The following DNAAF11 variants were observed in gnomAD, a reference collection of about 807,000 sequenced individuals.
DNAAF11 encodes dynein axonemal assembly factor 11, also known as leucine rich repeat containing 6.
Under a neutral mutation model 60.8 loss-of-function variants are expected in DNAAF11, and 45 were observed. That is an observed-to-expected ratio of 0.74 (90% CI 0.58 to 0.95). DNAAF11 has a LOEUF of 0.95. Ranked by LOEUF, DNAAF11 falls within the 40% of genes least tolerant of loss-of-function variation. The pLI is 0.00. For synonymous variants in DNAAF11, 191 were observed against 183.5 expected (o/e 1.04, Z -0.33); for missense variants, 546 against 546.2 (o/e 1.00, Z 0.00).
chr8:132,617,443 C>T (rs1819285564), intron 7 of DNAAF11, among the ~76,000 whole-genome samples: 1 of 152,134 alleles, frequency 6.6e-6, no homozygotes, highest in Admixed American at 6.5e-5. Flanking sequence ...ATTTGGCTCT[C>T]TGTCTGTTGT....
upstream of DNAAF11, among the ~76,000 whole-genome samples, chr8:132,679,439 CT>C (rs1301255431): frequency 3.3e-5 from 5 of 152,216 alleles, no homozygotes; most frequent in Non-Finnish European, 5.9e-5. Context: ...GTAAAGGAAT[CT>C]AGCAGGCTTA....
At chr8:132,643,567 T>C in intron 3 of DNAAF11, 1 of 450,762 alleles carries the variant, frequency 2.2e-6, no homozygotes. Context: ...TTCATTATGA[T>C]ATCCTGTCAA....
intron 10 of DNAAF11, among the ~76,000 whole-genome samples, chr8:132,592,948 CA>C (rs1816615351): frequency 6.6e-6 from 1 of 151,744 alleles, no homozygotes; most frequent in African/African-American, 2.4e-5. Flanking sequence ...CCTGCAAATA[CA>C]TATTAAAAGT....
intron 7 of DNAAF11, among the ~76,000 whole-genome samples, chr8:132,619,355 G>A (rs1819528003): frequency 6.6e-6 from 1 of 152,098 alleles, no homozygotes; most frequent in Non-Finnish European, 1.5e-5. Context: ...GTTAGATGAC[G>A]AGTTAGTGGG....
intron 10 of DNAAF11, among the ~76,000 whole-genome samples, chr8:132,586,010 T>C (rs2131032361): frequency 6.6e-6 from 1 of 152,338 alleles, no homozygotes; most frequent in South Asian, 2.1e-4. Flanking sequence ...CAGTTGCTAT[T>C]GATTCCAGTT....
intron 3 of DNAAF11, among the ~76,000 whole-genome samples, chr8:132,645,013 T>C (rs1256148488): frequency 6.6e-6 from 1 of 152,184 alleles, no homozygotes; most frequent in Non-Finnish European, 1.5e-5. Context: ...GTTTGAGATC[T>C]GAGAATGGAC....
At chr8:132,583,202 G>A (rs1055124653) in intron 11 of DNAAF11, among the ~76,000 whole-genome samples, 27 of 152,084 alleles carry the variant, frequency 1.8e-4, no homozygotes, top group African/African-American at 6.5e-4. Context: ...TGAGAGTTGA[G>A]GCATCTGTGG....
chr8:132,674,097 CAGGAGG>C (rs1489234047), intron 1 of DNAAF11, among the ~76,000 whole-genome samples: 2 of 37,256 alleles, frequency 5.4e-5, no homozygotes, highest in Non-Finnish European at 1.2e-4. Flanking sequence ...GGAGGAGGAG[CAGGAGG>C]AGGAGGAGCA....
At chr8:132,643,585 T>G (rs1198341591) in intron 3 of DNAAF11, 2 of 454,504 alleles carry the variant, frequency 4.4e-6, no homozygotes, top group Non-Finnish European at 8.8e-6. Flanking sequence ...CAATGTCATA[T>G]GAAAATACAC....
chr8:132,646,459 A>C (rs1822399372), intron 3 of DNAAF11, among the ~76,000 whole-genome samples: 1 of 152,242 alleles, frequency 6.6e-6, no homozygotes, highest in South Asian at 2.1e-4. Flanking sequence ...TAACATCATA[A>C]TGACAGGATC....
At chr8:132,581,271 T>C (rs745692362) in intron 11 of DNAAF11, among the ~76,000 whole-genome samples, 37 of 152,038 alleles carry the variant, frequency 2.4e-4, no homozygotes, top group Non-Finnish European at 1.6e-4. Context: ...AAACATAAAA[T>C]AATTAACCAT....
chr8:132,585,037 T>C (rs1815743558), intron 10 of DNAAF11, among the ~76,000 whole-genome samples: 1 of 152,230 alleles, frequency 6.6e-6, no homozygotes, highest in Non-Finnish European at 1.5e-5. Flanking sequence ...ATTTGTTTCT[T>C]ATTTAATTAG....
intron 7 of DNAAF11, among the ~76,000 whole-genome samples, chr8:132,621,862 A>G (rs1819797708): frequency 6.6e-6 from 1 of 152,204 alleles, no homozygotes; most frequent in African/African-American, 2.4e-5. Context: ...TGTAAAAAAG[A>G]AATACTGTTT....
In DNAAF11 at chr8:132,661,634, G is replaced by GA. The variant is rs1430402734; in HGVS notation, c.11-8dup. The GA allele has an allele frequency of 6.2e-7, 1 of 1,612,264 alleles. No homozygotes were observed. The highest frequency in any genetic ancestry group is 1.1e-5 in the South Asian group (1 of 91,042). On this transcript the variant is annotated splice_region_variant and splice_polypyrimidine_tract_variant and intron_variant, in intron 1 of 11. Coordinates refer to ENST00000620350, the MANE Select transcript of DNAAF11 (RefSeq NM_012472.6). ...CTAATAAGATCTTCTGTGACTGGAAGAAAATGTGTTACATATTACATTTCT... is the reference window on the plus strand; with the variant it reads ...CTAATAAGATCTTCTGTGACTGGAAGAAAAATGTGTTACATATTACATTTCT...
rs1563726238 is a variant in DNAAF11 at position 132,674,160 on chromosome 8, AAGGAGAAGGAGGAGGAGGAGAAGG to A, written c.10+1300_10+1323del. On this transcript the variant is annotated intron_variant, in intron 1 of 11. Transcript: ENST00000620350. ...GAAGGAGGAGGAAGAGGAGGAGGAGAAGGAGAAGGAGGAGGAGGAGAAGGAGGAGGAGGAGAAGGAGGAGGAGAA... is the reference window on the plus strand; with the variant it reads ...GAAGGAGGAGGAAGAGGAGGAGGAGAAGGAGGAGGAGAAGGAGGAGGAGAA... 5.8e-3 allele frequency among the ~76,000 whole-genome samples: 225 copies of A among 38,948 alleles called. 5 individuals are homozygous for A. Among genetic ancestry groups the A allele is most frequent in the African/African-American group, 0.022 (211 of 9,766 alleles). The allele number at this position is 38,948 out of a possible 152,430, so 25.6% of individuals were successfully genotyped here.
In DNAAF11 at chr8:132,624,157, C is replaced by A. The variant is rs538595422; in HGVS notation, c.836+1115G>T. Among the ~76,000 whole-genome samples the A allele has an allele frequency of 2.8e-4, 43 of 152,218 alleles. 1 individual carries two copies. The highest frequency in any genetic ancestry group is 6.0e-4 in the Non-Finnish European group (41 of 67,998). ...ATGGGTATATATGTAAGAAATAGTT[C>A]ACATTCTATAAACATGTAGAACTTC... is the stretch of plus-strand genomic sequence containing the variant. On this transcript the variant is annotated intron_variant, in intron 6 of 11. Coordinates refer to ENST00000620350, the MANE Select transcript of DNAAF11 (RefSeq NM_012472.6).
intron 10 of DNAAF11, among the ~76,000 whole-genome samples, chr8:132,609,384 G>T (rs991128131): frequency 1.3e-5 from 2 of 151,288 alleles, no homozygotes; most frequent in Non-Finnish European, 2.9e-5. Context: ...GTTCAGTATA[G>T]ACACACTTCT....
At chr8:132,679,536 CA>C (rs904357684), upstream of DNAAF11, among the ~76,000 whole-genome samples, 1 of 152,154 alleles carries the variant, frequency 6.6e-6, no homozygotes, top group Non-Finnish European at 1.5e-5. Flanking sequence ...GATCTGGTTC[CA>C]GGGGCAAGGT....
chr8:132,575,182 T>A (rs1250240464), intron 11 of DNAAF11, among the ~76,000 whole-genome samples: 1 of 152,174 alleles, frequency 6.6e-6, no homozygotes, highest in African/African-American at 2.4e-5. Context: ...CCTGCTAAGC[T>A]GTTGGCCCTT....
Sources: allele counts gnomAD v4.1 joint callset (sites outside exome capture counted in the v4.1 genomes callset), GRCh38; gene constraint gnomAD v4.1.1; transcripts MANE v1.5; gene names NCBI Gene and HGNC (gene_info 2026-07-23, HGNC 2026-07-21).